The following PDE3A variants were observed in gnomAD, a reference collection of about 807,000 sequenced individuals.
The protein encoded by PDE3A is phosphodiesterase 3A.
In PDE3A, 43 loss-of-function variants were observed where a neutral mutation model predicts 98.3. The observed-to-expected ratio is 0.44, with a 90% confidence interval of 0.34 to 0.56. The LOEUF (loss-of-function observed/expected upper bound fraction) is 0.56, where lower values mean the gene tolerates loss of function less well. Among genes scored for constraint, PDE3A ranks in the 20% least tolerant of loss-of-function variants. PDE3A has a pLI of 0.01. For synonymous variants in PDE3A, 663 were observed against 567.9 expected (o/e 1.17, Z -2.38); for missense variants, 1,427 against 1,440.7 (o/e 0.99, Z 0.15).
chr12:20,624,359 G>T (rs1196573466), intron 5 of PDE3A, among the ~76,000 whole-genome samples: 2 of 152,128 alleles, frequency 1.3e-5, no homozygotes, highest in African/African-American at 4.8e-5. Flanking sequence ...ATTATGGTTA[G>T]GGCAGACCCT....
intron 2 of PDE3A, among the ~76,000 whole-genome samples, chr12:20,591,682 T>C (rs924838252): frequency 6.6e-6 from 1 of 152,192 alleles, no homozygotes; most frequent in African/African-American, 2.4e-5. Context: ...GGTGTTATTC[T>C]TTTTTCTCAG....
chr12:20,422,316 C>T (rs1304068523), intron 1 of PDE3A, among the ~76,000 whole-genome samples: 2 of 151,866 alleles, frequency 1.3e-5, no homozygotes, highest in African/African-American at 4.8e-5. Context: ...TGCACTCCAG[C>T]CTGGGCAACA....
chr12:20,419,463 T>C (rs1234192904), intron 1 of PDE3A, among the ~76,000 whole-genome samples: 1 of 151,856 alleles, frequency 6.6e-6, no homozygotes, highest in Non-Finnish European at 1.5e-5. Context: ...CCACTGTTTT[T>C]GTTTTTTGTT....
intron 1 of PDE3A, among the ~76,000 whole-genome samples, chr12:20,452,977 A>G (rs1945093634): frequency 6.6e-6 from 1 of 152,186 alleles, no homozygotes; most frequent in Non-Finnish European, 1.5e-5. Context: ...TGCTGTCTTG[A>G]TAAGATTTAA....
At chr12:20,548,965 AT>A (rs368913536) in intron 1 of PDE3A, among the ~76,000 whole-genome samples, 1,804 of 151,368 alleles carry the variant, frequency 0.012, 51 homozygotes, top group Admixed American at 0.05. Flanking sequence ...GTGAATAACC[AT>A]TTTTTTTTAT....
Position 20,679,677 on chromosome 12 carries a change from G to C in PDE3A, c.3185-353G>C, listed in dbSNP as rs73085019. Among the ~76,000 whole-genome samples the C allele has an allele frequency of 5.9e-4, 89 of 152,078 alleles. 1 individual carries two copies. The highest frequency in any genetic ancestry group is 9.1e-4 in the Non-Finnish European group (62 of 67,976). ...CAGACTAACAAGAAGTTATTTCAGT[G>C]ATCTATGTGGAAAGTCTTGAGAGCC... On this transcript the variant is annotated intron_variant, in intron 15 of 15. Coordinates refer to ENST00000359062, the MANE Select transcript of PDE3A (RefSeq NM_000921.5).
chr12:20,449,909 A>G (rs1002069739), intron 1 of PDE3A: 2 of 803,138 alleles, frequency 2.5e-6, no homozygotes, highest in African/African-American at 1.8e-5. Flanking sequence ...GGTGGTTTGA[A>G]TGGGAACTCT....
chr12:20,590,476 T>C (rs1197523623), intron 2 of PDE3A, among the ~76,000 whole-genome samples: 3 of 150,030 alleles, frequency 2.0e-5, no homozygotes, highest in African/African-American at 7.4e-5. Context: ...AAAGGACATA[T>C]CAAGAAACAC....
chr12:20,629,844 C>A, intron 5 of PDE3A, 64 bp from the exon 6 acceptor site: 1 of 1,254,706 alleles, frequency 8.0e-7, no homozygotes, highest in Non-Finnish European at 1.2e-6. Context: ...AGGTGAAGTT[C>A]AACAGTTGCA....
At chr12:20,485,855 A>G (rs1945717959) in intron 1 of PDE3A, among the ~76,000 whole-genome samples, 1 of 152,178 alleles carries the variant, frequency 6.6e-6, no homozygotes, top group Admixed American at 6.5e-5. Context: ...TGGATTAGCA[A>G]AAAATAAAAC....
intron 1 of PDE3A, among the ~76,000 whole-genome samples, chr12:20,541,474 G>T (rs1161910185): frequency 6.6e-6 from 1 of 151,958 alleles, no homozygotes; most frequent in Non-Finnish European, 1.5e-5. Flanking sequence ...TAGAAAAAAA[G>T]AATGAGCAAG....
At chr12:20,638,475 T>C (rs1592137163) in intron 9 of PDE3A, among the ~76,000 whole-genome samples, 1 of 152,162 alleles carries the variant, frequency 6.6e-6, no homozygotes, top group East Asian at 1.9e-4. Flanking sequence ...GAGTTGAGAG[T>C]CCTGTTCCTC....
chr12:20,605,074 C>A (rs117513907), intron 2 of PDE3A, among the ~76,000 whole-genome samples: 1 of 152,148 alleles, frequency 6.6e-6, no homozygotes, highest in Admixed American at 6.5e-5. Flanking sequence ...TATTTATGAA[C>A]TCTGTGTAAA....
chr12:20,369,947 C>A lies in PDE3A; in HGVS notation c.663C>A (p.Val221=). The A allele has an allele frequency of 6.2e-7, 1 of 1,613,494 alleles. No individual in the cohort carries two copies. Among genetic ancestry groups the A allele is most frequent in the South Asian group, 1.1e-5 (1 of 91,074 alleles). Residue 221 remains valine (V), a synonymous_variant, in exon 1 of 16, where the codon GTC becomes GTA. Transcript: ENST00000359062. ...TCATGATCGCCTTGACTAGCGCGGTCAGGACCGTGTCCCTCATTTCCTTAG... is the reference window on the plus strand; with the variant it reads ...TCATGATCGCCTTGACTAGCGCGGTAAGGACCGTGTCCCTCATTTCCTTAG... The part of the protein sequence containing the change: ...GVLMIALTSA[V]RTVSLISLER...
At chr12:20,423,777 C>A (rs1481811550) in intron 1 of PDE3A, among the ~76,000 whole-genome samples, 1 of 152,086 alleles carries the variant, frequency 6.6e-6, no homozygotes, top group Non-Finnish European at 1.5e-5. Context: ...CTTCCTATAG[C>A]CTCCTGGTGG....
intron 1 of PDE3A, among the ~76,000 whole-genome samples, chr12:20,462,795 CTT>C (rs907271126): frequency 6.8e-6 from 1 of 146,226 alleles, no homozygotes; most frequent in Admixed American, 6.9e-5. Flanking sequence ...AAAAGCTATA[CTT>C]TTTTTTTTTA....
chr12:20,515,645 C>T (rs1730238598), intron 1 of PDE3A, among the ~76,000 whole-genome samples: 1 of 152,116 alleles, frequency 6.6e-6, no homozygotes, highest in Non-Finnish European at 1.5e-5. Flanking sequence ...TGCAGAAATC[C>T]GAAGCAGACT....
At chr12:20,586,063 G>GGTAAT (rs1943189176) in intron 2 of PDE3A, among the ~76,000 whole-genome samples, 1 of 152,154 alleles carries the variant, frequency 6.6e-6, no homozygotes, top group Non-Finnish European at 1.5e-5. Context: ...CCTGGAGGAG[G>GGTAAT]GTAATAGCTG....
At chr12:20,414,995 A>G (rs1444209691) in intron 1 of PDE3A, among the ~76,000 whole-genome samples, 1 of 151,076 alleles carries the variant, frequency 6.6e-6, no homozygotes, top group Admixed American at 6.7e-5. Flanking sequence ...ACTTTACAGG[A>G]TTGCTGATAA....
Sources: allele counts gnomAD v4.1 joint callset (sites outside exome capture counted in the v4.1 genomes callset), GRCh38; gene constraint gnomAD v4.1.1; transcripts MANE v1.5; gene names NCBI Gene and HGNC (gene_info 2026-07-23, HGNC 2026-07-21).